Variants in DIP2B observed in about 807,000 individuals in gnomAD.
DIP2B encodes disco-interacting protein 2 homolog B.
A neutral mutation model predicts 198.0 loss-of-function variants in DIP2B; 76 were observed. The ratio of observed to expected loss-of-function variants is 0.38; its 90% CI spans 0.32 to 0.46. The LOEUF (loss-of-function observed/expected upper bound fraction) is 0.46, where lower values mean the gene tolerates loss of function less well. Among genes scored for constraint, DIP2B ranks in the 20% least tolerant of loss-of-function variants. The probability of loss-of-function intolerance (pLI) is 0.99; values close to 1 mark genes in which losing one functional copy is unlikely to be tolerated. For missense variants in DIP2B, 1,559 were observed against 1,978.4 expected (o/e 0.79, Z 4.02); for synonymous variants, 701 against 739.1 (o/e 0.95, Z 0.84).
At chr12:50,703,742 T>C (rs188855453) in intron 19 of DIP2B, among the ~76,000 whole-genome samples, 3 of 152,294 alleles carry the variant, frequency 2.0e-5, no homozygotes, top group African/African-American at 7.2e-5. Flanking sequence ...AGAAATTGAA[T>C]TGACACCAAC....
chr12:50,722,699 AG>A (rs1439284746), intron 26 of DIP2B, among the ~76,000 whole-genome samples: 2 of 152,208 alleles, frequency 1.3e-5, no homozygotes, highest in Non-Finnish European at 2.9e-5. Flanking sequence ...GAAGGACCTG[AG>A]CTCTTCCTGA....
At chr12:50,562,008 T>A (rs1039356541) in intron 1 of DIP2B, among the ~76,000 whole-genome samples, 2 of 152,272 alleles carry the variant, frequency 1.3e-5, no homozygotes, top group African/African-American at 4.8e-5. Flanking sequence ...TTGTTATCTC[T>A]GTATTGACAG....
intron 31 of DIP2B, 39 bp from the exon 32 acceptor site, chr12:50,732,327 A>G: frequency 6.2e-7 from 1 of 1,610,888 alleles, no homozygotes; most frequent in South Asian, 1.1e-5. Flanking sequence ...TTCTTTTATG[A>G]TCCTACTGAC....
In DIP2B at chr12:50,674,476, A is replaced by T; in HGVS notation, c.643A>T (p.Asn215Tyr). Residue 215 changes from asparagine (N) to tyrosine (Y), a missense_variant and splice_region_variant, in exon 6 of 38, where the codon AAT becomes TAT. By Grantham distance (143) the Asn-to-Tyr change is moderately radical. Coordinates refer to ENST00000301180, the MANE Select transcript of DIP2B (RefSeq NM_173602.3). ...ADVFANTRIE[N>Y]FSAPPDVTTT... ...TAAACTTTGTTTTCTCCTCTCAGAG[A>T]ATTTCTCTGCTCCTCCTGATGTCAC... 6.2e-6 allele frequency: 10 copies of T among 1,614,134 alleles called. No homozygotes were observed. The highest frequency in any genetic ancestry group is 8.5e-6 in the Non-Finnish European group (10 of 1,180,000).
intron 1 of DIP2B, among the ~76,000 whole-genome samples, chr12:50,568,777 A>G (rs529993157): frequency 6.6e-6 from 1 of 152,320 alleles, no homozygotes; most frequent in South Asian, 2.1e-4. Context: ...CTTGGCTGAC[A>G]CCAGAAGTCT....
At position 50,516,239 on chromosome 12, in the gene DIP2B, CTCTCTCTA is replaced by C. The variant is rs1397096211; in HGVS notation, c.100+11005_100+11012del. ...TCTCTCTCTCTCTCTCTCTCTCTCT[CTCTCTCTA>C]TCTCTATCTCTATCTCTATCTCTAT... On this transcript the variant is annotated intron_variant, in intron 1 of 37. Transcript: ENST00000301180. Among the ~76,000 whole-genome samples, 500 of 149,232 alleles carry C rather than the reference CTCTCTCTA, an allele frequency of 3.4e-3. 1 individual carries two copies. The highest frequency in any genetic ancestry group is 0.012 in the African/African-American group (476 of 40,010).
At position 50,685,974 on chromosome 12, in the gene DIP2B, T is replaced by C; in HGVS notation, c.1441+18T>C. 2 of 1,604,020 alleles carry C rather than the reference T, an allele frequency of 1.2e-6. No individual in the cohort carries two copies. The highest frequency in any genetic ancestry group is 2.2e-5 in the East Asian group (1 of 44,692). ...GTTTAAAGGTTAGTAACATTGTACC[T>C]GAATTATCAGTTAAAAGTTAAAACT... is the stretch of plus-strand genomic sequence containing the variant. On this transcript the variant is annotated intron_variant, in intron 11 of 37. Coordinates refer to ENST00000301180, the MANE Select transcript of DIP2B (RefSeq NM_173602.3).
At chr12:50,567,023 C>G (rs796277307) in intron 1 of DIP2B, among the ~76,000 whole-genome samples, 1 of 149,052 alleles carries the variant, frequency 6.7e-6, no homozygotes. Flanking sequence ...TTCTATTGAT[C>G]TGTATGTGCA....
At chr12:50,734,939 A>T (rs1940109418) in intron 33 of DIP2B, 134 bp from the exon 34 acceptor site, 5 of 1,071,420 alleles carry the variant, frequency 4.7e-6, no homozygotes. Flanking sequence ...AGTAGTGCTG[A>T]GTTTGAGAAA....
At chr12:50,683,671 T>A (rs983160575) in intron 10 of DIP2B, among the ~76,000 whole-genome samples, 48 of 152,170 alleles carry the variant, frequency 3.2e-4, no homozygotes, top group African/African-American at 1.1e-3. Flanking sequence ...TGGTCCCAGC[T>A]ACTCGGGAGG....
At chr12:50,650,420 ACTT>A (rs1195736735) in intron 3 of DIP2B, among the ~76,000 whole-genome samples, 14 of 152,318 alleles carry the variant, frequency 9.2e-5, no homozygotes, top group African/African-American at 2.9e-4. Context: ...GATCTCTAGA[ACTT>A]CTTCATCTTG....
intron 3 of DIP2B, among the ~76,000 whole-genome samples, chr12:50,645,273 A>G (rs1012672943): frequency 3.3e-5 from 5 of 152,200 alleles, no homozygotes; most frequent in Non-Finnish European, 7.3e-5. Context: ...TTCTACTTCT[A>G]GGAATTCATT....
chr12:50,578,530 C>T (rs571960175), intron 1 of DIP2B, among the ~76,000 whole-genome samples: 4 of 107,446 alleles, frequency 3.7e-5, no homozygotes, highest in Non-Finnish European at 5.3e-5. Flanking sequence ...TTTTTTGAGA[C>T]GGAGTCTCGC....
In DIP2B at chr12:50,686,678, T is replaced by C. The variant is rs775470895; in HGVS notation, c.1547T>C (p.Ile516Thr). 1.6e-5 allele frequency: 26 copies of C among 1,613,614 alleles called. No individual in the cohort carries two copies. Among genetic ancestry groups the C allele is most frequent in the East Asian group, 2.2e-5 (1 of 44,872 alleles). ...CCTGCTGGGACAGAACCGGCATACA[T>C]TGAGGTAAGTCCTAAGATGTAAAAT... ...ISPAGTEPAYIEYKTSKEGSV... is the reference protein window; with the variant it reads ...ISPAGTEPAYTEYKTSKEGSV... The change falls in exon 12 of 38, where the codon ATT becomes ACT. Residue 516 changes from isoleucine to threonine, a missense_variant. Coordinates refer to ENST00000301180, the MANE Select transcript of DIP2B (RefSeq NM_173602.3).
chr12:50,600,877 C>G (rs936462999), intron 1 of DIP2B, among the ~76,000 whole-genome samples: 1 of 150,864 alleles, frequency 6.6e-6, no homozygotes, highest in Admixed American at 6.6e-5. Flanking sequence ...TTACCACCAT[C>G]ACCACCATGA....
intron 1 of DIP2B, among the ~76,000 whole-genome samples, chr12:50,616,229 A>G (rs1007290996): frequency 6.6e-6 from 1 of 152,210 alleles, no homozygotes; most frequent in African/African-American, 2.4e-5. Context: ...TGACATGGAA[A>G]TTGTCTAGTC....
intron 1 of DIP2B, among the ~76,000 whole-genome samples, chr12:50,527,950 C>T (rs1458664192): frequency 7.0e-6 from 1 of 142,626 alleles, no homozygotes; most frequent in Non-Finnish European, 1.5e-5. Flanking sequence ...TTTTTGGAGA[C>T]AGAGTCTTAG....
At chr12:50,619,313 G>C (rs1384422158) in intron 1 of DIP2B, among the ~76,000 whole-genome samples, 1 of 152,178 alleles carries the variant, frequency 6.6e-6, no homozygotes, top group Non-Finnish European at 1.5e-5. Flanking sequence ...CATTTCTTGG[G>C]AGATAGGAAT....
intron 1 of DIP2B, among the ~76,000 whole-genome samples, chr12:50,580,439 G>A (rs1958714712): frequency 6.7e-6 from 1 of 148,200 alleles, no homozygotes; most frequent in Non-Finnish European, 1.5e-5. Context: ...AATAAAAATA[G>A]CCAAGAATGG....
Sources: allele counts gnomAD v4.1 joint callset (sites outside exome capture counted in the v4.1 genomes callset), GRCh38; gene constraint gnomAD v4.1.1; transcripts MANE v1.5; gene names NCBI Gene and HGNC (gene_info 2026-07-23, HGNC 2026-07-21).